ANAPC13: variants seen among roughly 807,000 people sequenced by gnomAD.
The protein encoded by ANAPC13 is anaphase promoting complex subunit 13.
In ANAPC13, 9 loss-of-function variants were observed where a neutral mutation model predicts 9.6. That is an observed-to-expected ratio of 0.94 (90% CI 0.57 to 1.64). The LOEUF is 1.64. Ranked by LOEUF, ANAPC13 falls within the 40% of genes most tolerant of loss-of-function variation. ANAPC13 has a pLI of 0.00. For synonymous variants in ANAPC13, 30 were observed against 29.7 expected, an observed-to-expected ratio of 1.01 and a Z score of -0.03; for missense variants, 75 against 85.3, an observed-to-expected ratio of 0.88 and a Z score of 0.48.
intron 2 of ANAPC13, among the ~76,000 whole-genome samples, chr3:134,481,064 G>A (rs751703688): frequency 1.2e-4 from 18 of 152,156 alleles, no homozygotes; most frequent in Non-Finnish European, 2.2e-4. Flanking sequence ...AGAAATGGAC[G>A]TCTCCTTTAT....
upstream of ANAPC13, chr3:134,485,991 G>GCCCCCCCCC (rs5852785): frequency 4.4e-4 from 414 of 940,064 alleles, 3 homozygotes; most frequent in African/African-American, 3.8e-3. Flanking sequence ...CTCCTGCCAC[G>GCCCCCCCCC]CCCCCCCCCC....
chr3:134,482,653 C>A (rs1474691337), intron 2 of ANAPC13, 153 bp downstream of exon 2: 5 of 686,546 alleles, frequency 7.3e-6, no homozygotes, highest in Non-Finnish European at 1.3e-5. Flanking sequence ...ATAAAACATA[C>A]AACTGGATGC....
chr3:134,482,875 C>G lies in ANAPC13; in HGVS notation c.30G>C (p.Arg10Ser). Reference sequence around the variant, plus strand: ...AAGCATCATCAATCAAATCCAAGATCCTTCCATCTCTCTGAACCTCACTGT... The same window carrying G: ...AAGCATCATCAATCAAATCCAAGATGCTTCCATCTCTCTGAACCTCACTGT... The part of the protein sequence containing the change: MDSEVQRDG[R>S]ILDLIDDAWR... Residue 10 changes from arginine to serine, a missense_variant, in exon 2 of 3, where the codon AGG becomes AGC. Transcript: ENST00000354910. 2 of 1,614,200 alleles carry G rather than the reference C, an allele frequency of 1.2e-6. No homozygotes were observed. The highest frequency in any genetic ancestry group is 1.7e-6 in the Non-Finnish European group (2 of 1,180,026).
rs745475492 is a variant in ANAPC13 at position 134,482,865 on chromosome 3, A to G, written c.40T>C (p.Leu14=). The G allele has an allele frequency of 3.1e-6, 5 of 1,614,080 alleles. No homozygotes were observed. Among genetic ancestry groups the G allele is most frequent in the African/African-American group, 1.3e-5 (1 of 74,932 alleles). Residue 14 remains leucine, a synonymous_variant, in exon 2 of 3, where the codon TTG becomes CTG. Transcript: ENST00000354910. ...EVQRDGRILD[L]IDDAWREDKL... is the part of the protein sequence containing the mutation. The stretch of plus-strand genomic sequence containing the variant: ...TCTTCTCGCCAAGCATCATCAATCA[A>G]ATCCAAGATCCTTCCATCTCTCTGA...
chr3:134,485,628 T>C (rs1404832131), intron 1 of ANAPC13: 1 of 152,342 alleles, frequency 6.6e-6, no homozygotes, highest in East Asian at 1.9e-4. Context: ...GTAAACATAA[T>C]ATTTATAAAA....
In ANAPC13 at chr3:134,484,733, T is replaced by C. The variant is rs1250341917; in HGVS notation, c.-28+1219A>G. Among the ~76,000 whole-genome samples the C allele has an allele frequency of 4.6e-5, 7 of 152,344 alleles. No homozygotes were observed. In the Middle Eastern group the frequency reaches 0.01, roughly 222 times the overall value. The stretch of plus-strand genomic sequence containing the variant: ...ACTCCTTTGTCCTTGCTGCTCTGTC[T>C]CCTGGGATACCCTTCTCACTTTCCT... On this transcript the variant is annotated intron_variant, in intron 1 of 2. Transcript: ENST00000354910.
intron 1 of ANAPC13, chr3:134,483,370 A>G (rs1466800046): frequency 6.3e-6 from 1 of 159,652 alleles, no homozygotes; most frequent in Non-Finnish European, 1.4e-5. Context: ...TCACACGAAC[A>G]TACTGTAAAG....
At chr3:134,481,595 G>T (rs941218234) in intron 2 of ANAPC13, among the ~76,000 whole-genome samples, 1 of 152,154 alleles carries the variant, frequency 6.6e-6, no homozygotes, top group Non-Finnish European at 1.5e-5. Flanking sequence ...TTATCTATAA[G>T]TGTTGCCTTT....
intron 1 of ANAPC13, among the ~76,000 whole-genome samples, chr3:134,484,963 C>A (rs1934967765): frequency 6.6e-6 from 1 of 152,152 alleles, no homozygotes; most frequent in Admixed American, 6.5e-5. Flanking sequence ...CATTTTGTAC[C>A]CATGATTCCT....
At position 134,484,805 on chromosome 3, in the gene ANAPC13, C is replaced by G. The variant is rs574227605; in HGVS notation, c.-28+1147G>C. ...TCGGAGGCCCACGTAGATTTTCCACCTTTGTAAAGTTTTCTCAAATCACTC... is the reference window on the plus strand; with the variant it reads ...TCGGAGGCCCACGTAGATTTTCCACGTTTGTAAAGTTTTCTCAAATCACTC... On this transcript the variant is annotated intron_variant, in intron 1 of 2. Transcript: ENST00000354910. Among the ~76,000 whole-genome samples, 111 of 152,308 alleles carry G rather than the reference C, an allele frequency of 7.3e-4. 1 individual carries two copies. Among genetic ancestry groups the G allele is most frequent in the Non-Finnish European group, 6.6e-4 (45 of 68,032 alleles).
Position 134,482,814 on chromosome 3 carries a change from T to C in ANAPC13, c.91A>G (p.Ile31Val), listed in dbSNP as rs760630384. 4.3e-6 allele frequency: 7 copies of C among 1,613,992 alleles called. No individual in the cohort carries two copies. The South Asian group carries it at 6.6e-5, about 15-fold the overall frequency. Residue 31 changes from isoleucine to valine, a missense_variant, in exon 2 of 3, where the codon ATA becomes GTA. Transcript: ENST00000354910. Reference protein sequence around the residue: ...EDKLPYEDVAIPLNELPEPEQ... With the variant: ...EDKLPYEDVAVPLNELPEPEQ... ...CTCAAATCATAACCTACCAGTGGTA[T>C]TGCGACATCCTCATAAGGCAGCTTG...
At chr3:134,482,643 A>G in intron 2 of ANAPC13, 163 bp downstream of exon 2, 1 of 659,698 alleles carries the variant, frequency 1.5e-6, no homozygotes, top group South Asian at 1.9e-5. Flanking sequence ...TTTTCTTCAA[A>G]TAAAACATAC....
rs759220137 is a variant in ANAPC13, at chr3:134,482,793, A to T, written c.99+13T>A. ...ATACCTTTAACCCATCCTCAGCTCA[A>T]ATCATAACCTACCAGTGGTATTGCG... On this transcript the variant is annotated intron_variant, in intron 2 of 2. Transcript: ENST00000354910. 3.1e-6 allele frequency: 5 copies of T among 1,612,012 alleles called. No homozygotes were observed. Among genetic ancestry groups the T allele is most frequent in the Non-Finnish European group, 4.2e-6 (5 of 1,178,098 alleles).
rs965094125 is a variant in ANAPC13, at chr3:134,483,286, C to T, written c.-27-355G>A. ...CCTGTTTGTGATGCCTTTGATGAGT[C>T]CCTGATTCATAATGGCCAGCTAAGT... is the stretch of plus-strand genomic sequence containing the variant. On this transcript the variant is annotated intron_variant, in intron 1 of 2. Transcript: ENST00000354910. The T allele has an allele frequency of 4.9e-4, 93 of 188,178 alleles. 1 individual carries two copies. The highest frequency in any genetic ancestry group is 1.0e-4 in the Non-Finnish European group (9 of 89,746). 11.7% of individuals were successfully genotyped at this position (188,178 alleles called of 1,614,324 possible).
At chr3:134,484,137 T>C (rs575793267) in intron 1 of ANAPC13, among the ~76,000 whole-genome samples, 124 of 152,280 alleles carry the variant, frequency 8.1e-4, no homozygotes, top group African/African-American at 2.9e-3. Context: ...ATCCAGCACT[T>C]TGGGAGACCG....
chr3:134,480,091 T>G (rs1934703647), intron 2 of ANAPC13, among the ~76,000 whole-genome samples: 1 of 152,240 alleles, frequency 6.6e-6, no homozygotes, highest in Admixed American at 6.5e-5. Flanking sequence ...ACATACATCT[T>G]GTTCTACAAG....
chr3:134,484,703 C>T (rs549681921), intron 1 of ANAPC13, among the ~76,000 whole-genome samples: 16 of 152,234 alleles, frequency 1.1e-4, no homozygotes, highest in Non-Finnish European at 2.2e-4. Flanking sequence ...CACTTTCCTG[C>T]TGCTACTCCT....
chr3:134,482,571 C>T (rs545905885), intron 2 of ANAPC13, among the ~76,000 whole-genome samples: 5 of 152,282 alleles, frequency 3.3e-5, no homozygotes, highest in South Asian at 2.1e-4. Flanking sequence ...CTCAGAAAAT[C>T]GGGGCTCTAG....
chr3:134,484,989 C>T (rs749234941), intron 1 of ANAPC13, among the ~76,000 whole-genome samples: 2 of 152,190 alleles, frequency 1.3e-5, no homozygotes, highest in Non-Finnish European at 2.9e-5. Flanking sequence ...GATCTTTCCA[C>T]ATTTGGTCTC....
Sources: allele counts gnomAD v4.1 joint callset (sites outside exome capture counted in the v4.1 genomes callset), GRCh38; gene constraint gnomAD v4.1.1; transcripts MANE v1.5; gene names NCBI Gene and HGNC (gene_info 2026-07-23, HGNC 2026-07-21).